The following RABGAP1L variants were observed in gnomAD, a reference collection of about 807,000 sequenced individuals.
The protein encoded by RABGAP1L is RAB GTPase activating protein 1 like, also known as rab GTPase-activating protein 1-like.
In RABGAP1L, 63 loss-of-function variants were observed where a neutral mutation model predicts 137.7. The observed-to-expected ratio is 0.46, with a 90% CI of 0.37 to 0.56. The LOEUF (loss-of-function observed/expected upper bound fraction) is 0.56, where lower values mean the gene tolerates loss of function less well. Ranked by LOEUF, RABGAP1L falls within the 20% of genes least tolerant of loss-of-function variation. The pLI is 0.00. For synonymous variants in RABGAP1L, 431 were observed against 433.7 expected, an observed-to-expected ratio of 0.99 and a Z score of 0.08; for missense variants, 1,095 against 1,244.0, an observed-to-expected ratio of 0.88 and a Z score of 1.80.
At chr1:174,383,072 G>A (rs1263300585) in intron 12 of RABGAP1L, among the ~76,000 whole-genome samples, 1 of 151,166 alleles carries the variant, frequency 6.6e-6, no homozygotes, top group African/African-American at 2.5e-5. Context: ...GTGTGCCCCT[G>A]CTGGGGGGTG....
At chr1:174,227,755 G>T (rs1670304511) in intron 3 of RABGAP1L, among the ~76,000 whole-genome samples, 1 of 151,456 alleles carries the variant, frequency 6.6e-6, no homozygotes, top group Non-Finnish European at 1.5e-5. Context: ...AACACTTTAT[G>T]TACATTGTAA....
intron 19 of RABGAP1L, among the ~76,000 whole-genome samples, chr1:174,929,638 G>C (rs989532937): frequency 6.6e-6 from 1 of 152,054 alleles, no homozygotes; most frequent in South Asian, 2.1e-4. Flanking sequence ...CAACTACGAG[G>C]CAGCTGAGGC....
chr1:174,967,629 G>A (rs766245220), intron 20 of RABGAP1L, among the ~76,000 whole-genome samples: 27 of 151,964 alleles, frequency 1.8e-4, no homozygotes, highest in Non-Finnish European at 3.8e-4. Flanking sequence ...ATGAGCCACT[G>A]TGCCCAGCTG....
chr1:174,668,315 G>T (rs183648111), intron 14 of RABGAP1L, among the ~76,000 whole-genome samples: 34 of 152,228 alleles, frequency 2.2e-4, no homozygotes, highest in Non-Finnish European at 4.9e-4. Flanking sequence ...CTAATTCAAT[G>T]AGGTCAACTT....
At chr1:174,834,229 C>T (rs1046551473) in intron 19 of RABGAP1L, among the ~76,000 whole-genome samples, 4 of 151,974 alleles carry the variant, frequency 2.6e-5, no homozygotes, top group Admixed American at 6.6e-5. Flanking sequence ...GAGTTCAAGA[C>T]CAGCCTGACC....
At chr1:174,214,270 G>A (rs1436207504) in intron 1 of RABGAP1L, among the ~76,000 whole-genome samples, 1 of 151,686 alleles carries the variant, frequency 6.6e-6, no homozygotes, top group Non-Finnish European at 1.5e-5. Context: ...AAATACCTAG[G>A]AATAAACCAA....
chr1:174,171,980 G>A (rs912408304), intron 1 of RABGAP1L, among the ~76,000 whole-genome samples: 6 of 151,976 alleles, frequency 3.9e-5, no homozygotes, highest in African/African-American at 7.3e-5. Context: ...CAGCCTGGGC[G>A]ACAGAGTGAG....
chr1:174,803,820 C>T (rs1256694198), intron 18 of RABGAP1L, among the ~76,000 whole-genome samples: 1 of 152,084 alleles, frequency 6.6e-6, no homozygotes, highest in Admixed American at 6.6e-5. Context: ...CGCCTGTAAT[C>T]CCAGCATGTT....
intron 7 of RABGAP1L, among the ~76,000 whole-genome samples, chr1:174,262,991 C>T (rs1395921558): frequency 6.6e-6 from 1 of 152,204 alleles, no homozygotes; most frequent in African/African-American, 2.4e-5. Context: ...TGTGCTTTTG[C>T]TGATGTTTGG....
chr1:174,264,398 C>T (rs1673870925), intron 7 of RABGAP1L, among the ~76,000 whole-genome samples: 1 of 151,994 alleles, frequency 6.6e-6, no homozygotes, highest in African/African-American at 2.4e-5. Flanking sequence ...TTTCTTCTAC[C>T]ACACTTGCTT....
chr1:174,897,463 C>T (rs1006112763), intron 19 of RABGAP1L: 1 of 152,148 alleles, frequency 6.6e-6, no homozygotes, highest in Middle Eastern at 3.2e-3. Flanking sequence ...TCTATTTAAG[C>T]CAAGCTAATA....
At chr1:174,760,699 G>C (rs1431704841) in intron 18 of RABGAP1L, among the ~76,000 whole-genome samples, 1 of 152,186 alleles carries the variant, frequency 6.6e-6, no homozygotes, top group Non-Finnish European at 1.5e-5. Flanking sequence ...TAATGGGATG[G>C]CTGGATCAAA....
intron 19 of RABGAP1L, among the ~76,000 whole-genome samples, chr1:174,916,088 T>C (rs183987865): frequency 9.5e-4 from 144 of 151,336 alleles, no homozygotes; most frequent in African/African-American, 3.2e-3. Flanking sequence ...TTTTTTTTTT[T>C]TTTTGGTATG....
intron 13 of RABGAP1L, among the ~76,000 whole-genome samples, chr1:174,521,261 A>G (rs938104730): frequency 6.6e-6 from 1 of 152,248 alleles, no homozygotes; most frequent in Non-Finnish European, 1.5e-5. Context: ...AAATTATTGC[A>G]AAGCATCTGT....
intron 13 of RABGAP1L, among the ~76,000 whole-genome samples, chr1:174,628,871 CAG>C (rs1673111020): frequency 6.6e-6 from 1 of 152,106 alleles, no homozygotes; most frequent in Non-Finnish European, 1.5e-5. Flanking sequence ...GGAATCTTCT[CAG>C]AAAATGAATT....
chr1:174,359,082 AT>A (rs1291272256), intron 11 of RABGAP1L, among the ~76,000 whole-genome samples: 1 of 151,816 alleles, frequency 6.6e-6, no homozygotes, highest in East Asian at 1.9e-4. Flanking sequence ...TGTCCTCCCT[AT>A]TTTTTTCTAT....
chr1:174,194,072 T>C (rs528235480), intron 1 of RABGAP1L, among the ~76,000 whole-genome samples: 14 of 152,192 alleles, frequency 9.2e-5, no homozygotes, highest in Admixed American at 7.9e-4. Flanking sequence ...AAACCAGGCA[T>C]TCTTAGTGCC....
chr1:174,929,883 C>A, intron 19 of RABGAP1L, among the ~76,000 whole-genome samples: 1 of 133,044 alleles, frequency 7.5e-6, no homozygotes. Flanking sequence ...TAGGGTCTTG[C>A]TCTGTCTCCC....
intron 19 of RABGAP1L, among the ~76,000 whole-genome samples, chr1:174,917,344 A>G (rs970085927): frequency 2.3e-4 from 35 of 152,208 alleles, no homozygotes; most frequent in African/African-American, 8.0e-4. Flanking sequence ...GATATTATGT[A>G]TACATCAGAA....
Sources: allele counts gnomAD v4.1 joint callset (sites outside exome capture counted in the v4.1 genomes callset), GRCh38; gene constraint gnomAD v4.1.1; transcripts MANE v1.5; gene names NCBI Gene and HGNC (gene_info 2026-07-23, HGNC 2026-07-21).